SLC4A4: variants seen among roughly 807,000 people sequenced by gnomAD.
SLC4A4 encodes the protein electrogenic sodium bicarbonate cotransporter 1.
In SLC4A4, 27 loss-of-function variants were observed where a neutral mutation model predicts 111.5. That is an observed-to-expected ratio of 0.24 (90% CI 0.18 to 0.33). The LOEUF (loss-of-function observed/expected upper bound fraction) is 0.33. Ranked by LOEUF, SLC4A4 falls within the 10% of genes least tolerant of loss-of-function variation. SLC4A4 has a pLI of 1.00. For synonymous variants in SLC4A4, 443 were observed against 463.4 expected (o/e 0.96, Z 0.57); for missense variants, 909 against 1,315.5 (o/e 0.69, Z 4.78).
chr4:71,340,129 T>C (rs1728775428), intron 4 of SLC4A4, among the ~76,000 whole-genome samples: 1 of 151,814 alleles, frequency 6.6e-6, no homozygotes, highest in South Asian at 2.1e-4. Context: ...GAGGCTGAAG[T>C]AGGAGGCTCA....
At chr4:71,237,764 G>C (rs909178477) in intron 2 of SLC4A4, among the ~76,000 whole-genome samples, 2 of 152,156 alleles carry the variant, frequency 1.3e-5, no homozygotes, top group Non-Finnish European at 2.9e-5. Context: ...CATCCCATGT[G>C]GTGTTAGAGG....
At chr4:71,235,830 C>G (rs1380058472) in intron 1 of SLC4A4, among the ~76,000 whole-genome samples, 1 of 152,122 alleles carries the variant, frequency 6.6e-6, no homozygotes, top group Admixed American at 6.5e-5. Flanking sequence ...ACTTTGTGCC[C>G]TTCAGGGAAG....
intron 14 of SLC4A4, among the ~76,000 whole-genome samples, chr4:71,483,299 T>C (rs1729062698): frequency 6.6e-6 from 1 of 151,708 alleles, no homozygotes. Flanking sequence ...CCATTAGTTG[T>C]TTTTCCTGAT....
In SLC4A4 at chr4:71,486,973, C is replaced by G. The variant is rs139300696; in HGVS notation, c.1929C>G (p.Thr643=). ...CTAATATCTCAATATCTAATGACAC[C>G]ACACTGGCCCCAGAGTATTTGCCAA... ...DPANISISND[T]TLAPEYLPTM... Residue 643 remains threonine (T), a synonymous_variant, in exon 15 of 26, where the codon ACC becomes ACG. Transcript: ENST00000264485. The G allele has an allele frequency of 1.2e-6, 2 of 1,601,866 alleles. No homozygotes were observed. The highest frequency in any genetic ancestry group is 2.7e-5 in the African/African-American group (2 of 74,490).
intron 4 of SLC4A4, among the ~76,000 whole-genome samples, chr4:71,342,815 A>C (rs1450477764): frequency 2.0e-5 from 3 of 152,172 alleles, no homozygotes; most frequent in Non-Finnish European, 4.4e-5. Flanking sequence ...TTAAAGATTA[A>C]GATGGTTTTG....
At chr4:71,195,506 A>G (rs1047511145) in intron 1 of SLC4A4, among the ~76,000 whole-genome samples, 4 of 152,116 alleles carry the variant, frequency 2.6e-5, no homozygotes, top group East Asian at 1.9e-4. Context: ...TACAGACATA[A>G]TGTTAGGAAA....
chr4:71,122,415 A>G (rs1404014045), intron 2 of SLC4A4, among the ~76,000 whole-genome samples: 1 of 152,106 alleles, frequency 6.6e-6, no homozygotes. Flanking sequence ...TGCCAGAAAG[A>G]TCTCAACAAA....
chr4:71,315,324 T>C (rs1726596107), intron 3 of SLC4A4, among the ~76,000 whole-genome samples: 1 of 152,192 alleles, frequency 6.6e-6, no homozygotes, highest in African/African-American at 2.4e-5. Flanking sequence ...ACAGTTGTTT[T>C]GAACTATATA....
intron 6 of SLC4A4, among the ~76,000 whole-genome samples, chr4:71,390,325 G>A (rs951560649): frequency 6.6e-6 from 1 of 152,178 alleles, no homozygotes; most frequent in African/African-American, 2.4e-5. Flanking sequence ...GAAGTAACTT[G>A]AAATATGGAA....
At chr4:71,199,713 A>C (rs766881424) in intron 1 of SLC4A4, among the ~76,000 whole-genome samples, 1 of 152,032 alleles carries the variant, frequency 6.6e-6, no homozygotes, top group African/African-American at 2.4e-5. Context: ...GCAGTGGCGC[A>C]ATCTCGGCTC....
At chr4:71,391,718 CT>C (rs1719292905) in intron 6 of SLC4A4, among the ~76,000 whole-genome samples, 1 of 151,746 alleles carries the variant, frequency 6.6e-6, no homozygotes, top group South Asian at 2.1e-4. Flanking sequence ...TCTTCTTCTG[CT>C]TTTATTTTCT....
intron 7 of SLC4A4, among the ~76,000 whole-genome samples, chr4:71,398,698 A>T (rs772122293): frequency 2.0e-5 from 3 of 152,236 alleles, no homozygotes; most frequent in Non-Finnish European, 2.9e-5. Flanking sequence ...AACATGAAGC[A>T]AGAAAATCTG....
intron 21 of SLC4A4, among the ~76,000 whole-genome samples, chr4:71,557,457 C>A (rs1028406571): frequency 6.6e-6 from 1 of 151,692 alleles, no homozygotes; most frequent in African/African-American, 2.4e-5. Context: ...AATTTTTTTT[C>A]TTTGTGACCT....
intron 1 of SLC4A4, among the ~76,000 whole-genome samples, chr4:71,225,716 A>G (rs1317986922): frequency 6.6e-6 from 1 of 152,162 alleles, no homozygotes; most frequent in Non-Finnish European, 1.5e-5. Context: ...GCTGTACATG[A>G]TCAGGTGCCA....
intron 16 of SLC4A4, among the ~76,000 whole-genome samples, chr4:71,508,996 A>G (rs952872280): frequency 3.3e-5 from 5 of 152,226 alleles, no homozygotes; most frequent in Admixed American, 1.3e-4. Flanking sequence ...GAACTAAGGA[A>G]AAAACCATGT....
At chr4:71,234,545 C>T (rs894268640) in intron 1 of SLC4A4, among the ~76,000 whole-genome samples, 3 of 152,216 alleles carry the variant, frequency 2.0e-5, no homozygotes, top group African/African-American at 7.2e-5. Flanking sequence ...CCTGCCTCAG[C>T]CTCCCGAGGA....
chr4:71,360,058 A>T (rs1730633041), intron 6 of SLC4A4, among the ~76,000 whole-genome samples: 1 of 152,232 alleles, frequency 6.6e-6, no homozygotes, highest in African/African-American at 2.4e-5. Context: ...ACTATTAAAA[A>T]TTAAGTTATA....
intron 5 of SLC4A4, among the ~76,000 whole-genome samples, chr4:71,356,204 G>T (rs564576318): frequency 9.9e-5 from 15 of 152,268 alleles, no homozygotes; most frequent in African/African-American, 3.6e-4. Flanking sequence ...ATTGGCATAA[G>T]AACTTACCTT....
chr4:71,371,681 C>T (rs1177180487), intron 6 of SLC4A4, among the ~76,000 whole-genome samples: 2 of 152,076 alleles, frequency 1.3e-5, no homozygotes, highest in Admixed American at 6.6e-5. Flanking sequence ...TTTTCTGTGC[C>T]TCACAATGGA....
Sources: allele counts gnomAD v4.1 joint callset (sites outside exome capture counted in the v4.1 genomes callset), GRCh38; gene constraint gnomAD v4.1.1; transcripts MANE v1.5; gene names NCBI Gene and HGNC (gene_info 2026-07-23, HGNC 2026-07-21).